Variants in CTNNA3 observed in about 807,000 individuals in gnomAD.
The protein encoded by CTNNA3 is catenin alpha-3.
Under a neutral mutation model 95.7 loss-of-function variants are expected in CTNNA3, and 76 were observed. The ratio of observed to expected loss-of-function variants is 0.79; its 90% CI spans 0.66 to 0.96. CTNNA3 has a LOEUF of 0.96. Ranked by LOEUF, CTNNA3 falls within the 40% of genes least tolerant of loss-of-function variation. CTNNA3 has a pLI of 0.00. For synonymous variants in CTNNA3, 431 were observed against 374.4 expected, an observed-to-expected ratio of 1.15 and a Z score of -1.74; for missense variants, 1,191 against 1,089.8, an observed-to-expected ratio of 1.09 and a Z score of -1.31.
chr10:66,862,509 G>A (rs1843981388), intron 7 of CTNNA3, among the ~76,000 whole-genome samples: 2 of 152,108 alleles, frequency 1.3e-5, no homozygotes, highest in South Asian at 4.1e-4. Context: ...GTTTGTGGAG[G>A]GGATATGGAA....
At chr10:66,915,428 G>A (rs559976474) in intron 7 of CTNNA3, among the ~76,000 whole-genome samples, 1 of 152,060 alleles carries the variant, frequency 6.6e-6, no homozygotes, top group South Asian at 2.1e-4. Context: ...CTATCAATCA[G>A]TAATACTGGA....
At chr10:66,577,954 A>G (rs942180677) in intron 10 of CTNNA3, among the ~76,000 whole-genome samples, 2 of 151,858 alleles carry the variant, frequency 1.3e-5, no homozygotes, top group Non-Finnish European at 1.5e-5. Flanking sequence ...TATCCATGGA[A>G]TAGGAAGAAT....
At chr10:67,013,361 C>T (rs576400525) in intron 7 of CTNNA3, among the ~76,000 whole-genome samples, 1 of 152,088 alleles carries the variant, frequency 6.6e-6, no homozygotes, top group East Asian at 1.9e-4. Context: ...ATATGTTTTC[C>T]TTTATTAGGA....
chr10:66,090,950 AG>A (rs1380843132), intron 14 of CTNNA3, among the ~76,000 whole-genome samples: 6 of 152,108 alleles, frequency 3.9e-5, no homozygotes, highest in East Asian at 1.9e-4. Flanking sequence ...CACCGTACAA[AG>A]GTAATTTTTA....
chr10:66,782,991 T>C (rs115283900), intron 7 of CTNNA3, among the ~76,000 whole-genome samples: 53 of 152,212 alleles, frequency 3.5e-4, no homozygotes, highest in African/African-American at 1.2e-3. Flanking sequence ...GTCCTTAGCA[T>C]GCATAAAAGG....
Position 66,815,535 on chromosome 10 carries a change from G to A in CTNNA3, c.1048-40011C>T, listed in dbSNP as rs551289477. Reference sequence around the variant, plus strand: ...TTATTTGACACGATTTGAAATATTCGAATCTTTCATATTCAAATATTCTCC... The same window carrying A: ...TTATTTGACACGATTTGAAATATTCAAATCTTTCATATTCAAATATTCTCC... On this transcript the variant is annotated intron_variant, in intron 7 of 17. Transcript: ENST00000433211. 3.8e-3 allele frequency among the ~76,000 whole-genome samples: 581 copies of A among 152,026 alleles called. 3 individuals are homozygous for A. The highest frequency in any genetic ancestry group is 0.012 in the African/African-American group (514 of 41,424).
chr10:66,799,010 T>C (rs1841323134), intron 7 of CTNNA3, among the ~76,000 whole-genome samples: 1 of 151,668 alleles, frequency 6.6e-6, no homozygotes, highest in African/African-American at 2.4e-5. Context: ...GAGCTTTCTT[T>C]GCATGTAGAG....
intron 4 of CTNNA3, among the ~76,000 whole-genome samples, chr10:67,526,233 T>C (rs2133170612): frequency 6.6e-6 from 1 of 152,314 alleles, no homozygotes. Context: ...TGTTTCTGAA[T>C]TTAATCCATT....
intron 5 of CTNNA3, among the ~76,000 whole-genome samples, chr10:67,475,450 T>C (rs1847975447): frequency 6.6e-6 from 1 of 152,226 alleles, no homozygotes; most frequent in Admixed American, 6.5e-5. Context: ...AAAAAATTCC[T>C]ACCTATGGCT....
chr10:67,346,215 A>G (rs1368996451), intron 5 of CTNNA3, among the ~76,000 whole-genome samples: 1 of 152,086 alleles, frequency 6.6e-6, no homozygotes, highest in African/African-American at 2.4e-5. Flanking sequence ...TGTAGTTATT[A>G]TTTTTATTGG....
chr10:67,304,763 C>T (rs959301356), intron 5 of CTNNA3, among the ~76,000 whole-genome samples: 2 of 151,738 alleles, frequency 1.3e-5, no homozygotes, highest in African/African-American at 2.4e-5. Flanking sequence ...CAAAGGGAAA[C>T]AAAAAATAAG....
chr10:66,984,518 T>C (rs773316104), intron 7 of CTNNA3, among the ~76,000 whole-genome samples: 13 of 152,180 alleles, frequency 8.5e-5, no homozygotes, highest in Non-Finnish European at 1.8e-4. Context: ...TCATTTTGTC[T>C]CACAAACACA....
At chr10:66,196,018 G>T (rs565854883) in intron 13 of CTNNA3, among the ~76,000 whole-genome samples, 1 of 152,040 alleles carries the variant, frequency 6.6e-6, no homozygotes, top group Non-Finnish European at 1.5e-5. Flanking sequence ...CATATCAGAA[G>T]AATTCTAAAT....
chr10:67,746,087 A>T (rs1841373671), intron 1 of CTNNA3, among the ~76,000 whole-genome samples: 1 of 152,218 alleles, frequency 6.6e-6, no homozygotes, highest in African/African-American at 2.4e-5. Context: ...AAAAATTTAC[A>T]TGGAAACACA....
At chr10:66,589,962 T>G (rs1345890112) in intron 10 of CTNNA3, among the ~76,000 whole-genome samples, 1 of 152,026 alleles carries the variant, frequency 6.6e-6, no homozygotes, top group African/African-American at 2.4e-5. Context: ...AAAAATAAAT[T>G]ACTTTGCTCT....
chr10:67,097,926 A>T, intron 7 of CTNNA3: 1 of 745,372 alleles, frequency 1.3e-6, no homozygotes, highest in Non-Finnish European at 2.2e-6. Context: ...TAAACAAAAA[A>T]TCCAAGATTG....
intron 5 of CTNNA3, among the ~76,000 whole-genome samples, chr10:67,281,608 ATTAG>A (rs1404984869): frequency 3.3e-5 from 5 of 152,180 alleles, no homozygotes; most frequent in Non-Finnish European, 5.9e-5. Flanking sequence ...GGGACTCCTT[ATTAG>A]TTAAGTTTAT....
At chr10:66,733,260 A>T (rs10822905) in intron 9 of CTNNA3, among the ~76,000 whole-genome samples, 97,999 of 151,938 alleles carry the variant, frequency 0.64, 32,292 homozygotes, top group East Asian at 0.94. Flanking sequence ...CATCTCTTTA[A>T]CTCTCTTGTG....
intron 5 of CTNNA3, among the ~76,000 whole-genome samples, chr10:67,221,826 G>A (rs112082408): frequency 0.038 from 5,708 of 152,070 alleles, 359 homozygotes; most frequent in African/African-American, 0.13. Flanking sequence ...CGCCCGCCTC[G>A]GCCTCCCAAA....
Sources: gnomAD v4.1 joint callset for allele counts (sites outside exome capture counted in the v4.1 genomes callset) on GRCh38, gnomAD v4.1.1 for gene constraint, MANE v1.5 for transcripts, NCBI Gene and HGNC (gene_info 2026-07-23, HGNC 2026-07-21) for gene names.